ASTN2: variants seen among roughly 807,000 people sequenced by gnomAD.
ASTN2 encodes the protein astrotactin 2, also known as astrotactin-2.
ASTN2 carries 54 observed loss-of-function variants against 139.8 expected under a neutral mutation model. The observed-to-expected ratio is 0.39, with a 90% confidence interval of 0.31 to 0.48. The LOEUF is 0.48. ASTN2 is among the 20% of genes least tolerant of loss of function. ASTN2 has a pLI of 0.95. For synonymous variants in ASTN2, 756 were observed against 719.5 expected (o/e 1.05, Z -0.81); for missense variants, 1,565 against 1,725.1 (o/e 0.91, Z 1.64).
At chr9:116,658,771 A>G (rs1858385488) in intron 16 of ASTN2, among the ~76,000 whole-genome samples, 1 of 124,302 alleles carries the variant, frequency 8.0e-6, no homozygotes, top group African/African-American at 3.1e-5. Flanking sequence ...TTGTACTGTG[A>G]AAGAAGGGGA....
chr9:116,589,045 C>T (rs573690963), intron 19 of ASTN2, among the ~76,000 whole-genome samples: 39 of 152,218 alleles, frequency 2.6e-4, no homozygotes, highest in African/African-American at 5.8e-4. Flanking sequence ...TTAGCAAATA[C>T]GTATTCAGTG....
chr9:116,914,725 C>T (rs1017505454), intron 10 of ASTN2, among the ~76,000 whole-genome samples: 4 of 151,818 alleles, frequency 2.6e-5, no homozygotes, highest in African/African-American at 9.7e-5. Context: ...AGAATTATGC[C>T]AGATGTCACT....
At chr9:117,085,910 A>C (rs549276173) in intron 5 of ASTN2, among the ~76,000 whole-genome samples, 1 of 152,344 alleles carries the variant, frequency 6.6e-6, no homozygotes, top group East Asian at 1.9e-4. Context: ...CAAATAGCTT[A>C]AATACAAATT....
chr9:117,378,117 A>G (rs920310891), intron 1 of ASTN2, among the ~76,000 whole-genome samples: 4 of 152,236 alleles, frequency 2.6e-5, no homozygotes, highest in African/African-American at 4.8e-5. Flanking sequence ...TATAAATTAA[A>G]CAATGAAATT....
chr9:117,210,183 T>G (rs1235612943), intron 3 of ASTN2, among the ~76,000 whole-genome samples: 2 of 151,822 alleles, frequency 1.3e-5, no homozygotes, highest in African/African-American at 4.8e-5. Flanking sequence ...CCCAAATTAG[T>G]AGAATGAAAG....
chr9:117,043,136 G>C (rs1388425481), intron 5 of ASTN2, among the ~76,000 whole-genome samples: 1 of 152,158 alleles, frequency 6.6e-6, no homozygotes. Context: ...CTCCCAAACT[G>C]CTGGGATTAC....
chr9:117,010,470 C>T (rs1837487926), intron 6 of ASTN2, among the ~76,000 whole-genome samples: 1 of 152,160 alleles, frequency 6.6e-6, no homozygotes, highest in South Asian at 2.1e-4. Flanking sequence ...AGGAAAGCTA[C>T]ACAGTGCAGT....
chr9:116,790,971 GAAA>G (rs1564268855), intron 13 of ASTN2, among the ~76,000 whole-genome samples: 392 of 16,260 alleles, frequency 0.024, 8 homozygotes, highest in African/African-American at 0.059. Flanking sequence ...AAGAAGGAAA[GAAA>G]GAAAGAAAGA....
At chr9:117,176,219 A>T (rs969384843) in intron 3 of ASTN2, among the ~76,000 whole-genome samples, 11 of 152,174 alleles carry the variant, frequency 7.2e-5, no homozygotes, top group Admixed American at 3.3e-4. Flanking sequence ...AATTTGGGAA[A>T]ATGAGAGATT....
intron 1 of ASTN2, among the ~76,000 whole-genome samples, chr9:117,372,539 G>A (rs1177681878): frequency 6.6e-6 from 1 of 152,116 alleles, no homozygotes; most frequent in Non-Finnish European, 1.5e-5. Context: ...TCATCTCACT[G>A]AGCCTCAGTT....
chr9:116,980,604 T>C (rs1259792857), intron 7 of ASTN2, among the ~76,000 whole-genome samples: 1 of 152,138 alleles, frequency 6.6e-6, no homozygotes, highest in Non-Finnish European at 1.5e-5. Flanking sequence ...ACCAAGACTC[T>C]GCTGTTTGCA....
chr9:117,245,542 C>T (rs1197150809), intron 2 of ASTN2, among the ~76,000 whole-genome samples: 1 of 152,126 alleles, frequency 6.6e-6, no homozygotes, highest in African/African-American at 2.4e-5. Flanking sequence ...CATCCTTCTG[C>T]TTCCTGAAAG....
In ASTN2 at chr9:116,501,775, C is replaced by G. The variant is rs568665889; in HGVS notation, c.3356-14275G>C. On this transcript the variant is annotated intron_variant, in intron 19 of 22. Coordinates refer to ENST00000313400, the MANE Select transcript of ASTN2 (RefSeq NM_001365068.1). Reference sequence around the variant, plus strand: ...CTAGATGATGAGTTAGTGGGTGCAGCGCACCAGCACGTCACATGTATCCAT... The same window carrying G: ...CTAGATGATGAGTTAGTGGGTGCAGGGCACCAGCACGTCACATGTATCCAT... Among the ~76,000 whole-genome samples, 7 of 151,892 alleles carry G rather than the reference C, an allele frequency of 4.6e-5. No individual in the cohort carries two copies. In the South Asian group the frequency reaches 1.5e-3, roughly 32 times the overall value.
chr9:117,289,305 C>T (rs1321872368), intron 2 of ASTN2, among the ~76,000 whole-genome samples: 2 of 152,142 alleles, frequency 1.3e-5, no homozygotes, highest in Admixed American at 6.5e-5. Flanking sequence ...CCAGCTTCCA[C>T]GTTACCTACT....
chr9:117,312,601 G>A (rs957014758), intron 1 of ASTN2, among the ~76,000 whole-genome samples: 22 of 152,196 alleles, frequency 1.4e-4, no homozygotes, highest in Non-Finnish European at 1.6e-4. Flanking sequence ...AAGACAGAAT[G>A]CAGACATGGT....
chr9:117,367,390 C>T (rs1250565900), intron 1 of ASTN2, among the ~76,000 whole-genome samples: 1 of 152,174 alleles, frequency 6.6e-6, no homozygotes, highest in African/African-American at 2.4e-5. Flanking sequence ...CTCATGCTGG[C>T]TCTGCCACTT....
chr9:117,325,308 C>A (rs1828478445), intron 1 of ASTN2, among the ~76,000 whole-genome samples: 2 of 152,120 alleles, frequency 1.3e-5, no homozygotes, highest in Admixed American at 1.3e-4. Flanking sequence ...AGTGTACAGG[C>A]TCACCTCTCA....
chr9:117,062,012 GC>G (rs1839308318), intron 5 of ASTN2, among the ~76,000 whole-genome samples: 1 of 152,214 alleles, frequency 6.6e-6, no homozygotes, highest in African/African-American at 2.4e-5. Flanking sequence ...TGAGTTACCT[GC>G]CCAAGGCCAT....
At chr9:116,696,538 A>G (rs1860862787) in intron 16 of ASTN2, among the ~76,000 whole-genome samples, 2 of 151,810 alleles carry the variant, frequency 1.3e-5, no homozygotes, top group Non-Finnish European at 2.9e-5. Flanking sequence ...TTCCCTCTCC[A>G]TGTATTTATG....
Sources: allele counts gnomAD v4.1 joint callset (sites outside exome capture counted in the v4.1 genomes callset), GRCh38; gene constraint gnomAD v4.1.1; transcripts MANE v1.5; gene names NCBI Gene and HGNC (gene_info 2026-07-23, HGNC 2026-07-21).